MAK: variants seen among roughly 807,000 people sequenced by gnomAD.
MAK encodes the protein serine/threonine-protein kinase MAK.
Under a neutral mutation model 82.6 loss-of-function variants are expected in MAK, and 65 were observed. The ratio of observed to expected loss-of-function variants is 0.79; its 90% CI spans 0.64 to 0.97. MAK has a LOEUF of 0.97. Among genes scored for constraint, MAK ranks in the 50% least tolerant of loss-of-function variants. MAK has a pLI of 0.00. For missense variants in MAK, 703 were observed against 780.2 expected (o/e 0.90, Z 1.18); for synonymous variants, 250 against 274.2 (o/e 0.91, Z 0.87).
intron 2 of MAK, among the ~76,000 whole-genome samples, chr6:10,829,843 C>CT (rs1213826186): frequency 0.015 from 2,167 of 147,006 alleles, 52 homozygotes; most frequent in African/African-American, 0.049. Context: ...CGTATATATT[C>CT]TTTTTTTTTT....
chr6:10,764,689 A>T (rs1331692441), intron 14 of MAK, 83 bp from the exon 15 acceptor site: 1 of 1,266,844 alleles, frequency 7.9e-7, no homozygotes. Flanking sequence ...CTCTCATTTG[A>T]TGGGGAAAAT....
At position 10,815,945 on chromosome 6, in the gene MAK, T is replaced by TATATATATAA. The variant is rs1171616235; in HGVS notation, c.278+1904_278+1905insTTATATATAT. 1.9e-4 allele frequency among the ~76,000 whole-genome samples: 22 copies of TATATATATAA among 116,858 alleles called. 2 individuals carry two copies. Among genetic ancestry groups the TATATATATAA allele is most frequent in the African/African-American group, 6.8e-4 (18 of 26,610 alleles). 76.7% of individuals were successfully genotyped at this position (116,858 alleles called of 152,430 possible). On this transcript the variant is annotated intron_variant, in intron 4 of 14. Coordinates refer to ENST00000354489, the MANE Select transcript of MAK (RefSeq NM_001242957.3). ...ATATATATATATATATATATATATATATGTATGTTTTCTTTTTTGTTTGAG... is the reference window on the plus strand; with the variant it reads ...ATATATATATATATATATATATATATATATATATAAATGTATGTTTTCTTTTTTGTTTGAG...
intron 6 of MAK, among the ~76,000 whole-genome samples, chr6:10,805,226 A>T (rs1776333969): frequency 6.6e-6 from 1 of 152,184 alleles, no homozygotes; most frequent in South Asian, 2.1e-4. Context: ...GTTTTTATTA[A>T]TGTTTCTCAA....
chr6:10,775,428 G>C lies in MAK; in HGVS notation c.1497C>G (p.Ala499=). The change falls in exon 12 of 15, where the codon GCC becomes GCG. Residue 499 remains alanine, a synonymous_variant. Coordinates refer to ENST00000354489, the MANE Select transcript of MAK (RefSeq NM_001242957.3). The stretch of plus-strand genomic sequence containing the variant: ...TGTGGGGGTTTATTTCCTTTCCACT[G>C]GCTATCAAGGACACCTTCTTGGGAT... The part of the protein sequence containing the change: ...GVNPKKVSLI[A]SGKEINPHTW... The C allele has an allele frequency of 6.2e-7, 1 of 1,613,740 alleles. No homozygotes were observed. Among genetic ancestry groups the C allele is most frequent in the Non-Finnish European group, 8.5e-7 (1 of 1,179,780 alleles).
chr6:10,790,958 C>T (rs1261829211), intron 10 of MAK, among the ~76,000 whole-genome samples: 2 of 152,170 alleles, frequency 1.3e-5, no homozygotes, highest in East Asian at 1.9e-4. Flanking sequence ...CTCTCTTGCT[C>T]CCTCTCTTGC....
At chr6:10,834,748 G>A (rs1358275112) in intron 1 of MAK, among the ~76,000 whole-genome samples, 1 of 151,852 alleles carries the variant, frequency 6.6e-6, no homozygotes, top group Non-Finnish European at 1.5e-5. Flanking sequence ...GGTTAAGGGA[G>A]AAAGAATCTA....
In MAK at chr6:10,793,575, T is replaced by A. The variant is rs1433121306; in HGVS notation, c.1144-1728A>T. On this transcript the variant is annotated intron_variant, in intron 9 of 14. Transcript: ENST00000354489. The surrounding 1 kb of genome is among the most constrained non-coding windows in gnomAD (Gnocchi z 4.6). ...AAGTCAGAGGTACAGAATATGCAAT[T>A]TAGGAGAAGCATTTGTGAAAAAACA... Among the ~76,000 whole-genome samples the A allele has an allele frequency of 6.6e-6, 1 of 152,104 alleles. No homozygotes were observed. The highest frequency in any genetic ancestry group is 1.5e-5 in the Non-Finnish European group (1 of 68,024).
intron 11 of MAK, among the ~76,000 whole-genome samples, chr6:10,782,162 G>A (rs1774037918): frequency 6.6e-6 from 1 of 151,162 alleles, no homozygotes; most frequent in Non-Finnish European, 1.5e-5. Context: ...AGCCAAGATC[G>A]TGCCACTACA....
Position 10,797,588 on chromosome 6 carries a change from G to A in MAK, c.832-1279C>T, listed in dbSNP as rs550442196. On this transcript the variant is annotated intron_variant, in intron 8 of 14. Coordinates refer to ENST00000354489, the MANE Select transcript of MAK (RefSeq NM_001242957.3). ...CTAAAGCCTGTGTAGCTCAGCTATG[G>A]AAAAATTCCCTTATTGGCATCAAAT... is the stretch of plus-strand genomic sequence containing the variant. The A allele has an allele frequency of 5.1e-6, 5 of 985,162 alleles. No individual in the cohort carries two copies. The Admixed American group carries it at 3.1e-4, about 61-fold the overall frequency. The allele number at this position is 985,162 out of a possible 1,614,324, so 61.0% of individuals were successfully genotyped here.
At chr6:10,801,646 A>C (rs1267470671) in intron 8 of MAK, among the ~76,000 whole-genome samples, 1 of 152,168 alleles carries the variant, frequency 6.6e-6, no homozygotes, top group Non-Finnish European at 1.5e-5. Context: ...CCTTGTTGCA[A>C]CCTCAGGGTT....
In MAK at chr6:10,801,967, A is replaced by T. The variant is rs377107543; in HGVS notation, c.756T>A (p.Asn252Lys). The T allele has an allele frequency of 6.2e-7, 1 of 1,613,962 alleles. No individual in the cohort carries two copies. The highest frequency in any genetic ancestry group is 1.3e-5 in the African/African-American group (1 of 74,914). The change falls in exon 8 of 15, where the codon AAT (asparagine) becomes AAA (lysine). Residue 252 changes from asparagine (N) to lysine (K), a missense_variant. Coordinates refer to ENST00000354489, the MANE Select transcript of MAK (RefSeq NM_001242957.3). ...VPINLKTLIP[N>K]ASNEAIQLMT... ...TGAGCTGAATAGCTTCATTACTGGC[A>T]TTGGGAATAAGAGTTTTTAAGTTTA...
chr6:10,833,182 G>A (rs1031130869), intron 1 of MAK, among the ~76,000 whole-genome samples: 9 of 152,136 alleles, frequency 5.9e-5, no homozygotes, highest in East Asian at 1.9e-4. Flanking sequence ...CAGCCTTTCC[G>A]GGAAAAGAAA....
intron 12 of MAK, among the ~76,000 whole-genome samples, chr6:10,774,659 G>T (rs1054675749): frequency 6.6e-6 from 1 of 152,112 alleles, no homozygotes; most frequent in Non-Finnish European, 1.5e-5. Context: ...AATTCAAGTA[G>T]GTCCTCCTTC....
rs1340853218 is a variant in MAK, at chr6:10,776,656, AT to A, written c.1466-1198del. 1.3e-5 allele frequency among the ~76,000 whole-genome samples: 2 copies of A among 152,162 alleles called. No homozygotes were observed. The highest frequency in any genetic ancestry group is 4.8e-5 in the African/African-American group (2 of 41,430). Reference sequence around the variant, plus strand: ...TATGAGATATATAATAATATCCCTTATTTTGAAACCAGAAATACTGCACCTC... The same window carrying A: ...TATGAGATATATAATAATATCCCTTATTTGAAACCAGAAATACTGCACCTC... On this transcript the variant is annotated intron_variant, in intron 11 of 14. Coordinates refer to ENST00000354489, the MANE Select transcript of MAK (RefSeq NM_001242957.3). The surrounding 1 kb of genome is among the most constrained non-coding windows in gnomAD (Gnocchi z 4.3).
intron 5 of MAK, among the ~76,000 whole-genome samples, chr6:10,809,532 A>G (rs1406583568): frequency 6.6e-6 from 1 of 152,148 alleles, no homozygotes; most frequent in Non-Finnish European, 1.5e-5. Flanking sequence ...TTGCCACGTC[A>G]CCCAGGCTGA....
intron 7 of MAK, 127 bp downstream of exon 7, chr6:10,803,593 T>A (rs982964688): frequency 1.4e-6 from 1 of 726,160 alleles, no homozygotes; most frequent in Non-Finnish European, 2.3e-6. Context: ...AGTATGAGCC[T>A]ATTTCAAAAT....
chr6:10,775,757 A>G (rs1460460371), intron 11 of MAK, among the ~76,000 whole-genome samples: 1 of 151,894 alleles, frequency 6.6e-6, no homozygotes, highest in Non-Finnish European at 1.5e-5. Flanking sequence ...TGGCACAAAA[A>G]TTTTTCTTCA....
intron 13 of MAK, among the ~76,000 whole-genome samples, chr6:10,772,554 A>G (rs1228230029): frequency 1.3e-5 from 2 of 152,070 alleles, no homozygotes; most frequent in Non-Finnish European, 2.9e-5. Flanking sequence ...CATGTTGGCC[A>G]GGATGGTCTC....
At chr6:10,829,361 C>A (rs797000605) in intron 2 of MAK, among the ~76,000 whole-genome samples, 5 of 152,226 alleles carry the variant, frequency 3.3e-5, no homozygotes, top group African/African-American at 9.6e-5. Context: ...GATTTTGAGA[C>A]CTTGTTTTAA....
Sources: gnomAD v4.1 joint callset for allele counts (sites outside exome capture counted in the v4.1 genomes callset) on GRCh38, gnomAD v4.1.1 for gene constraint, Gnocchi (gnomAD v3.1) non-coding constraint, MANE v1.5 for transcripts, NCBI Gene and HGNC (gene_info 2026-07-23, HGNC 2026-07-21) for gene names.